Variants in PTPRD observed in about 807,000 individuals in gnomAD.
PTPRD encodes receptor-type tyrosine-protein phosphatase delta.
PTPRD carries 34 observed loss-of-function variants against 214.5 expected under a neutral mutation model. The ratio of observed to expected loss-of-function variants is 0.16; its 90% CI spans 0.12 to 0.21. The LOEUF is 0.21. Ranked by LOEUF, PTPRD falls within the 10% of genes least tolerant of loss-of-function variation. The probability of loss-of-function intolerance (pLI) is 1.00; values close to 1 mark genes in which losing one functional copy is unlikely to be tolerated. For synonymous variants in PTPRD, 1,128 were observed against 845.7 expected, an observed-to-expected ratio of 1.33 and a Z score of -5.79; for missense variants, 2,545 against 2,398.7, an observed-to-expected ratio of 1.06 and a Z score of -1.27.
intron 11 of PTPRD, among the ~76,000 whole-genome samples, chr9:8,999,532 T>C (rs1168670852): frequency 6.6e-6 from 1 of 152,114 alleles, no homozygotes; most frequent in Non-Finnish European, 1.5e-5. Context: ...AACAGAACTT[T>C]TATATGCTCT....
rs142920329 is a variant in PTPRD, at chr9:9,978,825, A to C, written c.-471-40215T>G. ...AGAGTACAGGTACACACTGAGATACATCTCAGTCACACTGATGAAAACCAA... is the reference window on the plus strand; with the variant it reads ...AGAGTACAGGTACACACTGAGATACCTCTCAGTCACACTGATGAAAACCAA... On this transcript the variant is annotated intron_variant, in intron 4 of 45. Coordinates refer to ENST00000381196, the MANE Select transcript of PTPRD (RefSeq NM_002839.4). Among the ~76,000 whole-genome samples, 454 of 152,246 alleles carry C rather than the reference A, an allele frequency of 3.0e-3. 4 individuals are homozygous for C. Among genetic ancestry groups the C allele is most frequent in the African/African-American group, 0.011 (437 of 41,580 alleles).
At chr9:10,090,404 G>T (rs2098414867) in intron 3 of PTPRD, among the ~76,000 whole-genome samples, 1 of 151,242 alleles carries the variant, frequency 6.6e-6, no homozygotes, top group African/African-American at 2.4e-5. Flanking sequence ...CTGCAGTGAG[G>T]GACGTATATT....
At chr9:9,060,001 T>C (rs1425164837) in intron 10 of PTPRD, among the ~76,000 whole-genome samples, 2 of 152,158 alleles carry the variant, frequency 1.3e-5, no homozygotes, top group East Asian at 3.9e-4. Context: ...TTTAATGCAA[T>C]TCCAATAAAA....
chr9:9,723,976 T>A (rs1216989760), intron 7 of PTPRD, among the ~76,000 whole-genome samples: 1 of 152,068 alleles, frequency 6.6e-6, no homozygotes, highest in Non-Finnish European at 1.5e-5. Context: ...CCAATGTGGA[T>A]CCTTTTTATT....
intron 3 of PTPRD, among the ~76,000 whole-genome samples, chr9:10,095,654 A>G (rs1591031034): frequency 6.6e-6 from 1 of 151,592 alleles, no homozygotes; most frequent in South Asian, 2.1e-4. Context: ...CACAAAACAT[A>G]TCAATATTAA....
intron 5 of PTPRD, among the ~76,000 whole-genome samples, chr9:9,875,355 G>T (rs140866375): frequency 1.3e-5 from 2 of 152,150 alleles, no homozygotes; most frequent in South Asian, 4.2e-4. Context: ...CTGGATGATA[G>T]AGTGAGACTC....
At chr9:9,254,323 T>C (rs998966099) in intron 9 of PTPRD, among the ~76,000 whole-genome samples, 1 of 152,012 alleles carries the variant, frequency 6.6e-6, no homozygotes. Context: ...TTCTGTCTGG[T>C]TGGATGTTGT....
At chr9:10,194,341 TATATAGAGAGAGAGAGAG>T (rs1334243774) in intron 3 of PTPRD, among the ~76,000 whole-genome samples, 368 of 58,958 alleles carry the variant, frequency 6.2e-3, no homozygotes, top group African/African-American at 0.011. Context: ...TATATATATA[TATATAGAGAGAGAGAGAG>T]AGAGAGAGAG....
At chr9:9,475,472 C>G (rs2094957197) in intron 8 of PTPRD, among the ~76,000 whole-genome samples, 1 of 152,098 alleles carries the variant, frequency 6.6e-6, no homozygotes, top group South Asian at 2.1e-4. Context: ...AAAGATGAAG[C>G]AAAGATAGAT....
At chr9:8,995,519 G>A (rs968080673) in intron 11 of PTPRD, among the ~76,000 whole-genome samples, 1 of 152,060 alleles carries the variant, frequency 6.6e-6, no homozygotes, top group African/African-American at 2.4e-5. Context: ...TTTGACACAT[G>A]AAGGTGTATG....
intron 5 of PTPRD, among the ~76,000 whole-genome samples, chr9:9,769,781 C>A (rs2098737310): frequency 6.6e-6 from 1 of 152,030 alleles, no homozygotes; most frequent in South Asian, 2.1e-4. Context: ...ACCAACAGGC[C>A]CCGGTGTGTG....
At chr9:8,762,972 C>T (rs1266789858) in intron 11 of PTPRD, among the ~76,000 whole-genome samples, 1 of 152,140 alleles carries the variant, frequency 6.6e-6, no homozygotes, top group African/African-American at 2.4e-5. Flanking sequence ...AATGCCCAGG[C>T]CATTCTTCAG....
intron 8 of PTPRD, among the ~76,000 whole-genome samples, chr9:9,498,881 A>G (rs1449923101): frequency 6.6e-6 from 1 of 152,114 alleles, no homozygotes. Context: ...AAAATTCACA[A>G]TCACAATTAA....
At chr9:9,940,002 AG>A (rs2090956433) in intron 4 of PTPRD, among the ~76,000 whole-genome samples, 1 of 152,196 alleles carries the variant, frequency 6.6e-6, no homozygotes, top group Non-Finnish European at 1.5e-5. Flanking sequence ...ATCTTGTGCC[AG>A]GTGAAAACAG....
intron 9 of PTPRD, among the ~76,000 whole-genome samples, chr9:9,266,088 T>C (rs972756101): frequency 1.3e-5 from 2 of 151,372 alleles, no homozygotes; most frequent in Non-Finnish European, 1.5e-5. Context: ...GGGGTAACTA[T>C]AAGTAAATGA....
At chr9:9,573,426 A>C (rs894366047) in intron 8 of PTPRD, among the ~76,000 whole-genome samples, 1 of 151,508 alleles carries the variant, frequency 6.6e-6, no homozygotes. Flanking sequence ...TAAAAAAAAA[A>C]AACTTATGTC....
At chr9:9,163,849 C>G (rs1401398166) in intron 10 of PTPRD, among the ~76,000 whole-genome samples, 2 of 152,168 alleles carry the variant, frequency 1.3e-5, no homozygotes, top group African/African-American at 4.8e-5. Context: ...TTGTCCACAT[C>G]TAAGGCTTCA....
At chr9:8,382,317 C>A (rs1330011769) in intron 37 of PTPRD, among the ~76,000 whole-genome samples, 7 of 152,148 alleles carry the variant, frequency 4.6e-5, no homozygotes, top group Non-Finnish European at 8.8e-5. Context: ...ACACATACTT[C>A]TGAAAACTTT....
intron 5 of PTPRD, among the ~76,000 whole-genome samples, chr9:9,851,126 A>G (rs1356658252): frequency 6.6e-6 from 1 of 152,212 alleles, no homozygotes; most frequent in Non-Finnish European, 1.5e-5. Flanking sequence ...AAGTTAAAGT[A>G]CAGTGCTTAG....
Sources: gnomAD v4.1 joint callset for allele counts (sites outside exome capture counted in the v4.1 genomes callset) on GRCh38, gnomAD v4.1.1 for gene constraint, MANE v1.5 for transcripts, NCBI Gene and HGNC (gene_info 2026-07-23, HGNC 2026-07-21) for gene names.